Variants in TLE3 observed in about 807,000 individuals in gnomAD.
TLE3 encodes transducin-like enhancer protein 3.
Under a neutral mutation model 93.0 loss-of-function variants are expected in TLE3, and 14 were observed. The observed-to-expected ratio is 0.15, with a 90% CI of 0.10 to 0.24. The LOEUF (loss-of-function observed/expected upper bound fraction) is 0.24, where lower values mean the gene tolerates loss of function less well. TLE3 is among the 10% of genes least tolerant of loss of function. The probability of loss-of-function intolerance (pLI) is 1.00; values close to 1 mark genes in which losing one functional copy is unlikely to be tolerated. For synonymous variants in TLE3, 451 were observed against 425.0 expected, an observed-to-expected ratio of 1.06 and a Z score of -0.75; for missense variants, 693 against 1,046.6, an observed-to-expected ratio of 0.66 and a Z score of 4.66.
intron 10 of TLE3, among the ~76,000 whole-genome samples, chr15:70,059,142 T>C (rs925787442): frequency 1.3e-5 from 2 of 152,056 alleles, no homozygotes; most frequent in Admixed American, 1.3e-4. Context: ...TCACGGGGAA[T>C]AGAAGATGGC....
intron 13 of TLE3, among the ~76,000 whole-genome samples, chr15:70,056,827 T>C (rs773439898): frequency 2.4e-4 from 36 of 152,274 alleles, no homozygotes; most frequent in Admixed American, 3.9e-4. Flanking sequence ...GGTGGTGCAA[T>C]CTTGGCTCAC....
At chr15:70,051,947 C>A (rs1035817154) in intron 18 of TLE3, among the ~76,000 whole-genome samples, 6 of 152,178 alleles carry the variant, frequency 3.9e-5, no homozygotes, top group Non-Finnish European at 7.3e-5. Flanking sequence ...CCATGCTATT[C>A]CCGACCAGAG....
In TLE3 at chr15:70,096,954, G is replaced by T; in HGVS notation, c.-156C>A. On this transcript the variant is annotated 5_prime_UTR_variant, in exon 1 of 20. It adds an upstream start codon to the 5' untranslated region. Coordinates refer to ENST00000451782, the MANE Select transcript of TLE3 (RefSeq NM_001105192.3). The stretch of plus-strand genomic sequence containing the variant: ...AGCTCGTTCTCGCAGCGAAATCCCA[G>T]AGTCGGGCGCCCGCCCCAAGTGGAG... The T allele has an allele frequency of 1.1e-6, 1 of 875,224 alleles. No individual in the cohort carries two copies. Among genetic ancestry groups the T allele is most frequent in the Non-Finnish European group, 1.8e-6 (1 of 558,436 alleles). 54.2% of individuals were successfully genotyped at this position (875,224 alleles called of 1,614,324 possible).
At chr15:70,062,320 C>T (rs1346562490) in intron 8 of TLE3, among the ~76,000 whole-genome samples, 1 of 152,212 alleles carries the variant, frequency 6.6e-6, no homozygotes. Flanking sequence ...GTGGTGGCCA[C>T]CCTGTGCTAA....
chr15:70,056,616 G>A (rs934963068), intron 13 of TLE3, among the ~76,000 whole-genome samples: 1 of 152,164 alleles, frequency 6.6e-6, no homozygotes, highest in Non-Finnish European at 1.5e-5. Context: ...GTTCTGCAAG[G>A]CAGAGCTGGC....
chr15:70,081,138 T>C (rs998287231), intron 4 of TLE3, among the ~76,000 whole-genome samples: 7 of 152,218 alleles, frequency 4.6e-5, no homozygotes, highest in Non-Finnish European at 8.8e-5. Context: ...TGCCTCCATT[T>C]AGTTGTGTGG....
chr15:70,052,747 C>T, intron 17 of TLE3: 1 of 384,018 alleles, frequency 2.6e-6, no homozygotes, highest in Non-Finnish European at 4.5e-6. Flanking sequence ...TTCATCTTTC[C>T]TTAAGAAAAA....
At chr15:70,064,695 TGC>T (rs2056704766) in intron 7 of TLE3, among the ~76,000 whole-genome samples, 1 of 152,120 alleles carries the variant, frequency 6.6e-6, no homozygotes, top group African/African-American at 2.4e-5. Context: ...CAAATTCCAA[TGC>T]TGCCCCCACC....
intron 8 of TLE3, among the ~76,000 whole-genome samples, 174 bp downstream of exon 8, chr15:70,064,280 A>C (rs1415047155): frequency 6.6e-6 from 1 of 152,214 alleles, no homozygotes; most frequent in African/African-American, 2.4e-5. Flanking sequence ...CAGCTCAGCA[A>C]GAGTAAACAA....
In TLE3 at chr15:70,058,790, G is replaced by T; in HGVS notation, c.791C>A (p.Pro264Gln). ...CCCATTTTCAGGAGGGGAGTGTGCC[G>T]GGCTGACCCGGGGCGTTGCGGGGTC... ...NEDPATPRVS[P>Q]AHSPPENGLD... The change falls in exon 11 of 20, where the codon CCG becomes CAG. Residue 264 changes from proline to glutamine, a missense_variant. Around this residue, in one of 4 missense-constraint regions of TLE3, gnomAD observed 405 missense variants for 468.9 expected, o/e 0.86. Coordinates refer to ENST00000451782, the MANE Select transcript of TLE3 (RefSeq NM_001105192.3). This position sits in a 1 kb window ranked among gnomAD's most constrained non-coding sequence, Gnocchi z 4.1. The T allele has an allele frequency of 6.2e-7, 1 of 1,600,654 alleles. No homozygotes were observed. The highest frequency in any genetic ancestry group is 8.5e-7 in the Non-Finnish European group (1 of 1,174,392).
intron 6 of TLE3, among the ~76,000 whole-genome samples, chr15:70,071,859 C>T (rs1222733609): frequency 6.6e-6 from 1 of 152,162 alleles, no homozygotes; most frequent in Non-Finnish European, 1.5e-5. Flanking sequence ...CTCTGCACCC[C>T]GTTATCCTTC....
In TLE3 at chr15:70,052,540, G is replaced by A. The variant is rs199900638; in HGVS notation, c.1975-16C>T. ...GCGAGAAGATCTGCAGGTGGTGGGA[G>A]GGCAGATGGACTGAGCTCAGCATTC... On this transcript the variant is annotated splice_polypyrimidine_tract_variant and intron_variant, in intron 17 of 19. Transcript: ENST00000451782. The A allele has an allele frequency of 5.6e-6, 9 of 1,610,572 alleles. No homozygotes were observed. In the East Asian group the frequency reaches 1.6e-4, roughly 28 times the overall value.
At chr15:70,070,139 G>A (rs1452835024) in intron 6 of TLE3, among the ~76,000 whole-genome samples, 22 of 152,190 alleles carry the variant, frequency 1.4e-4, no homozygotes, top group Admixed American at 1.4e-3. Context: ...GAGGCGCTAG[G>A]AGCCTGGAAC....
At chr15:70,065,490 C>T (rs769528241) in intron 7 of TLE3, among the ~76,000 whole-genome samples, 28 of 152,336 alleles carry the variant, frequency 1.8e-4, no homozygotes, top group Non-Finnish European at 3.1e-4. Flanking sequence ...GACTGTGCAC[C>T]TTTCCCAGGT....
At chr15:70,075,594 C>T (rs2057400998) in intron 5 of TLE3, among the ~76,000 whole-genome samples, 1 of 152,188 alleles carries the variant, frequency 6.6e-6, no homozygotes, top group Non-Finnish European at 1.5e-5. Context: ...AAAGTCGGCC[C>T]GTCTGTCTGG....
In TLE3 at chr15:70,076,078, A is replaced by G; in HGVS notation, c.297+18T>C. The G allele has an allele frequency of 3.1e-6, 5 of 1,612,842 alleles. No individual in the cohort carries two copies. Among genetic ancestry groups the G allele is most frequent in the Non-Finnish European group, 4.2e-6 (5 of 1,178,958 alleles). ...TGATTTGGAAAGAAAAGGAAGAAAT[A>G]ATAAAAGAAGGTCTTACCTCTTGTG... On this transcript the variant is annotated intron_variant, in intron 5 of 19. Transcript: ENST00000451782.
chr15:70,090,367 G>A (rs2058251689), intron 4 of TLE3, among the ~76,000 whole-genome samples: 1 of 152,180 alleles, frequency 6.6e-6, no homozygotes, highest in Non-Finnish European at 1.5e-5. Context: ...GCTCAACTCA[G>A]ATGCCACACA....
intron 7 of TLE3, 35 bp from the exon 8 acceptor site, chr15:70,064,505 C>T (rs2056691902): frequency 1.9e-6 from 3 of 1,613,808 alleles, no homozygotes; most frequent in Middle Eastern, 3.3e-4. Flanking sequence ...GGAGGAAGGT[C>T]AGGCACCCCA....
intron 4 of TLE3, among the ~76,000 whole-genome samples, chr15:70,092,037 C>T (rs1220855841): frequency 7.5e-6 from 1 of 133,950 alleles, no homozygotes; most frequent in Admixed American, 8.7e-5. Flanking sequence ...ATCACACGAA[C>T]AGTCAAGTCT....
Sources: gnomAD v4.1 joint callset for allele counts (sites outside exome capture counted in the v4.1 genomes callset) on GRCh38, gnomAD v4.1.1 for gene constraint, gnomAD v4.1.1 regional missense constraint, Gnocchi (gnomAD v3.1) non-coding constraint, MANE v1.5 for transcripts, NCBI Gene and HGNC (gene_info 2026-07-23, HGNC 2026-07-21) for gene names.